SGMS1: variants seen among roughly 807,000 people sequenced by gnomAD.
The protein encoded by SGMS1 is sphingomyelin synthase 1.
In SGMS1, 13 loss-of-function variants were observed where a neutral mutation model predicts 46.2. The ratio of observed to expected loss-of-function variants is 0.28; its 90% CI spans 0.18 to 0.45. The LOEUF is 0.45. SGMS1 is among the 20% of genes least tolerant of loss of function. The probability of loss-of-function intolerance (pLI) is 1.00; values close to 1 mark genes in which losing one functional copy is unlikely to be tolerated. For synonymous variants in SGMS1, 203 were observed against 187.8 expected (o/e 1.08, Z -0.66); for missense variants, 324 against 519.9 (o/e 0.62, Z 3.66).
chr10:50,563,936 A>T (rs1437549506), intron 2 of SGMS1, among the ~76,000 whole-genome samples: 1 of 152,154 alleles, frequency 6.6e-6, no homozygotes, highest in Non-Finnish European at 1.5e-5. Context: ...GATGGCTCCC[A>T]GGGCTCCCAG....
At chr10:50,421,117 T>C (rs535775732) in intron 6 of SGMS1, among the ~76,000 whole-genome samples, 1 of 152,262 alleles carries the variant, frequency 6.6e-6, no homozygotes, top group African/African-American at 2.4e-5. Flanking sequence ...AAAATTAAAA[T>C]TTAAAGTACA....
At chr10:50,387,960 A>C (rs1234967035) in intron 6 of SGMS1, among the ~76,000 whole-genome samples, 1 of 152,220 alleles carries the variant, frequency 6.6e-6, no homozygotes, top group Non-Finnish European at 1.5e-5. Flanking sequence ...GGTGATTGGC[A>C]CAAGAGTAGG....
At chr10:50,410,684 C>T (rs17721713) in intron 6 of SGMS1, among the ~76,000 whole-genome samples, 28,738 of 152,144 alleles carry the variant, frequency 0.19, 2,926 homozygotes, top group Admixed American at 0.24. Context: ...AGGGCAAGAC[C>T]AATCTCTAAT....
At chr10:50,365,897 G>T (rs1315753057) in intron 6 of SGMS1, among the ~76,000 whole-genome samples, 3 of 152,158 alleles carry the variant, frequency 2.0e-5, no homozygotes, top group Non-Finnish European at 4.4e-5. Context: ...AAACATGTGT[G>T]CATGTGTCTT....
At position 50,460,771 on chromosome 10, in the gene SGMS1, C is replaced by T. The variant is rs573406471; in HGVS notation, c.-411G>A. The T allele has an allele frequency of 4.6e-5, 7 of 152,452 alleles. No homozygotes were observed. The highest frequency in any genetic ancestry group is 1.7e-4 in the African/African-American group (7 of 41,548). 9.4% of individuals were successfully genotyped at this position (152,452 alleles called of 1,614,324 possible). On this transcript the variant is annotated 5_prime_UTR_variant, in exon 5 of 11. Coordinates refer to ENST00000361781, the MANE Select transcript of SGMS1 (RefSeq NM_147156.4). The stretch of plus-strand genomic sequence containing the variant: ...GTTCTCGTCTTCTATTTCATGTTTC[C>T]CAACCAGACACTTTCGGGCATCCCA...
intron 6 of SGMS1, among the ~76,000 whole-genome samples, chr10:50,367,543 T>C (rs1362402513): frequency 6.6e-6 from 1 of 152,110 alleles, no homozygotes; most frequent in African/African-American, 2.4e-5. Flanking sequence ...CTTCTGCTGG[T>C]CTCCTGGAGG....
chr10:50,539,248 C>A (rs1270266348), intron 2 of SGMS1, among the ~76,000 whole-genome samples: 2 of 152,208 alleles, frequency 1.3e-5, no homozygotes, highest in African/African-American at 4.8e-5. Flanking sequence ...CAGCTGTGGT[C>A]AAAGGGCCAT....
intron 1 of SGMS1, among the ~76,000 whole-genome samples, chr10:50,616,139 A>T (rs1342408379): frequency 1.3e-5 from 2 of 152,140 alleles, no homozygotes; most frequent in Admixed American, 6.5e-5. Context: ...TTTTTGAAAC[A>T]GGGTCTTGCT....
At chr10:50,373,924 C>T (rs1474663694) in intron 6 of SGMS1, among the ~76,000 whole-genome samples, 2 of 152,134 alleles carry the variant, frequency 1.3e-5, no homozygotes, top group African/African-American at 4.8e-5. Context: ...TATTAAGAAG[C>T]TAAGTACACA....
At chr10:50,374,851 A>T (rs1032383018) in intron 6 of SGMS1, among the ~76,000 whole-genome samples, 1 of 152,066 alleles carries the variant, frequency 6.6e-6, no homozygotes, top group African/African-American at 2.4e-5. Flanking sequence ...CTCATAGCTC[A>T]CTCCTTTGCC....
At chr10:50,623,029 CCCGCCCCGCGGGGGCAGCCCTGCG>C (rs1838869600) in intron 1 of SGMS1, among the ~76,000 whole-genome samples, 1 of 152,228 alleles carries the variant, frequency 6.6e-6, no homozygotes, top group Non-Finnish European at 1.5e-5. Context: ...CCTAAACGTC[CCCGCCCCGCGGGGGCAGCCCTGCG>C]GGGTCTCAGA....
At chr10:50,420,971 A>G (rs1157613260) in intron 6 of SGMS1, among the ~76,000 whole-genome samples, 5 of 152,344 alleles carry the variant, frequency 3.3e-5, no homozygotes, top group Non-Finnish European at 4.4e-5. Flanking sequence ...TTTGGCTGCA[A>G]TCATAACTCA....
intron 1 of SGMS1, among the ~76,000 whole-genome samples, chr10:50,613,596 C>T (rs1192906842): frequency 2.6e-5 from 4 of 152,296 alleles, no homozygotes; most frequent in African/African-American, 9.6e-5. Flanking sequence ...ACCAAGCAAA[C>T]GAGCTGTTAC....
At chr10:50,312,179 T>C (rs1847265535) in intron 8 of SGMS1, among the ~76,000 whole-genome samples, 1 of 152,170 alleles carries the variant, frequency 6.6e-6, no homozygotes, top group Non-Finnish European at 1.5e-5. Context: ...TCCAATTTAA[T>C]TAAATTCTGG....
At chr10:50,315,625 A>C (rs1847327019) in intron 8 of SGMS1, among the ~76,000 whole-genome samples, 1 of 152,180 alleles carries the variant, frequency 6.6e-6, no homozygotes, top group Non-Finnish European at 1.5e-5. Flanking sequence ...TTTTGGCTGC[A>C]TTCAGTGTGA....
intron 6 of SGMS1, among the ~76,000 whole-genome samples, chr10:50,347,151 C>T (rs1847927714): frequency 6.6e-6 from 1 of 152,204 alleles, no homozygotes. Context: ...TCTGTCTAGA[C>T]TCCCCAAAGA....
At chr10:50,555,737 A>G (rs955313205) in intron 2 of SGMS1, among the ~76,000 whole-genome samples, 10 of 152,218 alleles carry the variant, frequency 6.6e-5, no homozygotes, top group African/African-American at 2.4e-4. Context: ...TGGAGGCCAA[A>G]GCCTTCCTGC....
At chr10:50,375,286 G>A in intron 6 of SGMS1, among the ~76,000 whole-genome samples, 1 of 152,170 alleles carries the variant, frequency 6.6e-6, no homozygotes, top group East Asian at 1.9e-4. Flanking sequence ...AGATTTAAGG[G>A]TGTGACTGGT....
intron 2 of SGMS1, among the ~76,000 whole-genome samples, chr10:50,582,307 C>T (rs528525932): frequency 3.3e-5 from 5 of 152,224 alleles, no homozygotes; most frequent in South Asian, 4.2e-4. Context: ...ATCTGAGTCT[C>T]GAGAAAAAAA....
Sources: gnomAD v4.1 joint callset for allele counts (sites outside exome capture counted in the v4.1 genomes callset) on GRCh38, gnomAD v4.1.1 for gene constraint, MANE v1.5 for transcripts, NCBI Gene and HGNC (gene_info 2026-07-23, HGNC 2026-07-21) for gene names.